Variants in CSMD1 observed in about 807,000 individuals in gnomAD.
CSMD1 encodes CUB and sushi domain-containing protein 1.
A neutral mutation model predicts 417.5 loss-of-function variants in CSMD1; 213 were observed. That is an observed-to-expected ratio of 0.51 (90% CI 0.46 to 0.57). The LOEUF is 0.57. CSMD1 is among the 20% of genes least tolerant of loss of function. The pLI is 0.00. For synonymous variants in CSMD1, 2,862 were observed against 1,736.8 expected (o/e 1.65, Z -16.11); for missense variants, 6,923 against 4,529.7 (o/e 1.53, Z -15.17).
At chr8:3,196,737 T>G (rs959051685) in intron 33 of CSMD1, among the ~76,000 whole-genome samples, 1 of 152,172 alleles carries the variant, frequency 6.6e-6, no homozygotes, top group African/African-American at 2.4e-5. Context: ...CTGAAACTTG[T>G]TGGTAATGCA....
At chr8:3,733,331 T>C (rs1001469146) in intron 6 of CSMD1, among the ~76,000 whole-genome samples, 1 of 148,018 alleles carries the variant, frequency 6.8e-6, no homozygotes, top group African/African-American at 2.5e-5. Context: ...TACAAATATA[T>C]ATACACAGAC....
chr8:4,336,108 G>C lies in CSMD1; in HGVS notation c.415+83845C>G, dbSNP rs141827705. Among the ~76,000 whole-genome samples, 283 of 152,206 alleles carry C rather than the reference G, an allele frequency of 1.9e-3. 5 individuals carry two copies. The East Asian group carries it at 0.042, about 23-fold the overall frequency. On this transcript the variant is annotated intron_variant, in intron 3 of 69. Coordinates refer to ENST00000635120, the MANE Select transcript of CSMD1 (RefSeq NM_033225.6). ...CACTAATTGATGAGAAATAGTGTAA[G>C]TATTTTTCCTGTTCTGTATAAACTT...
intron 3 of CSMD1, among the ~76,000 whole-genome samples, chr8:4,036,952 G>A (rs1304441246): frequency 8.0e-6 from 1 of 125,068 alleles, no homozygotes; most frequent in African/African-American, 3.3e-5. Flanking sequence ...ATGGGTGAGT[G>A]TGGGGTGTGT....
chr8:4,627,341 T>C (rs1034397031), intron 2 of CSMD1, among the ~76,000 whole-genome samples: 2 of 152,144 alleles, frequency 1.3e-5, no homozygotes, highest in African/African-American at 4.8e-5. Flanking sequence ...TTTAAAATCC[T>C]GAAAAATCTG....
At chr8:3,971,932 G>A (rs888435931) in intron 5 of CSMD1, among the ~76,000 whole-genome samples, 5 of 152,022 alleles carry the variant, frequency 3.3e-5, no homozygotes, top group African/African-American at 1.2e-4. Flanking sequence ...TTTTGAGACA[G>A]GGTGTCATTC....
rs575037256 is a variant in CSMD1, at chr8:4,822,279, G to A, written c.85+172053C>T. Among the ~76,000 whole-genome samples the A allele has an allele frequency of 6.6e-5, 10 of 152,260 alleles. No individual in the cohort carries two copies. In the East Asian group the frequency reaches 1.7e-3, roughly 26 times the overall value. On this transcript the variant is annotated intron_variant, in intron 1 of 69. Coordinates refer to ENST00000635120, the MANE Select transcript of CSMD1 (RefSeq NM_033225.6). Reference sequence around the variant, plus strand: ...AGAGGATCCGATTATGGGTCTTGCTGTCTTAGGACACCAGATACCACTGAA... The same window carrying A: ...AGAGGATCCGATTATGGGTCTTGCTATCTTAGGACACCAGATACCACTGAA...
intron 2 of CSMD1, among the ~76,000 whole-genome samples, chr8:4,427,326 G>C (rs1173987915): frequency 6.6e-6 from 1 of 152,138 alleles, no homozygotes; most frequent in Non-Finnish European, 1.5e-5. Context: ...TGGATGCAGT[G>C]AGTTACATGT....
At chr8:4,041,573 T>C (rs1042064637) in intron 3 of CSMD1, among the ~76,000 whole-genome samples, 2 of 152,116 alleles carry the variant, frequency 1.3e-5, no homozygotes, top group East Asian at 1.9e-4. Context: ...CAAAGTGAGA[T>C]TCACAGTCTC....
At chr8:3,799,290 A>G (rs551027120) in intron 5 of CSMD1, among the ~76,000 whole-genome samples, 2 of 151,818 alleles carry the variant, frequency 1.3e-5, no homozygotes, top group South Asian at 4.2e-4. Flanking sequence ...GTACATGTGC[A>G]CAATGTGCAG....
intron 17 of CSMD1, among the ~76,000 whole-genome samples, chr8:3,394,691 C>T (rs1329468495): frequency 6.6e-6 from 1 of 152,020 alleles, no homozygotes; most frequent in Admixed American, 6.6e-5. Context: ...CTTACAAATT[C>T]AGATCACTGC....
chr8:4,951,617 T>C (rs967326554), intron 1 of CSMD1, among the ~76,000 whole-genome samples: 7 of 151,682 alleles, frequency 4.6e-5, no homozygotes, highest in Non-Finnish European at 8.8e-5. Context: ...GTTTTTTTAA[T>C]GCCTGTGAAT....
Position 3,710,348 on chromosome 8 carries a change from T to C in CSMD1, c.932-1857A>G, listed in dbSNP as rs144108918. Among the ~76,000 whole-genome samples the C allele has an allele frequency of 3.9e-3, 587 of 152,236 alleles. 7 individuals are homozygous for C. The highest frequency in any genetic ancestry group is 0.013 in the African/African-American group (551 of 41,554). ...CATACCCACGACCAACTGGCTTTGT[T>C]TCTCTGGAGAACTCTGACGAAATAC... On this transcript the variant is annotated intron_variant, in intron 6 of 69. Coordinates refer to ENST00000635120, the MANE Select transcript of CSMD1 (RefSeq NM_033225.6).
intron 3 of CSMD1, among the ~76,000 whole-genome samples, chr8:4,157,813 C>A (rs116990444): frequency 4.2e-4 from 64 of 152,296 alleles, no homozygotes; most frequent in Non-Finnish European, 8.1e-4. Context: ...CTTGGTCCAG[C>A]TTTAGTCAGT....
chr8:3,888,888 T>C (rs138431195), intron 5 of CSMD1, among the ~76,000 whole-genome samples: 76 of 152,304 alleles, frequency 5.0e-4, no homozygotes, highest in East Asian at 3.7e-3. Flanking sequence ...ATATCAATGA[T>C]GATTTTCGTC....
intron 10 of CSMD1, among the ~76,000 whole-genome samples, chr8:3,518,707 G>T (rs755449783): frequency 2.0e-5 from 3 of 152,180 alleles, no homozygotes; most frequent in Non-Finnish European, 4.4e-5. Context: ...TAAGTAAGTA[G>T]TTGGTGTGGT....
At position 4,161,402 on chromosome 8, in the gene CSMD1, A is replaced by C. The variant is rs995030728; in HGVS notation, c.416-129303T>G. Among the ~76,000 whole-genome samples the C allele has an allele frequency of 2.6e-5, 4 of 152,352 alleles. No homozygotes were observed. In the East Asian group the frequency reaches 7.7e-4, roughly 29 times the overall value. On this transcript the variant is annotated intron_variant, in intron 3 of 69. Transcript: ENST00000635120. Reference sequence around the variant, plus strand: ...CAGAATTAAAGGAATCTTAGAGGTAAACTTGTCATTCCTCCTTAATTTTTT... The same window carrying C: ...CAGAATTAAAGGAATCTTAGAGGTACACTTGTCATTCCTCCTTAATTTTTT...
At chr8:3,690,754 T>C (rs559523889) in intron 7 of CSMD1, among the ~76,000 whole-genome samples, 16 of 152,356 alleles carry the variant, frequency 1.1e-4, no homozygotes, top group African/African-American at 3.8e-4. Context: ...CTTAAATGTT[T>C]TCTTACTTTT....
At chr8:3,736,851 A>G (rs1796548379) in intron 6 of CSMD1, among the ~76,000 whole-genome samples, 1 of 152,206 alleles carries the variant, frequency 6.6e-6, no homozygotes, top group Non-Finnish European at 1.5e-5. Context: ...GTATGTCTAC[A>G]TATGAATGGG....
At chr8:3,088,448 C>G (rs1026352442) in intron 48 of CSMD1, among the ~76,000 whole-genome samples, 3 of 152,178 alleles carry the variant, frequency 2.0e-5, no homozygotes, top group Non-Finnish European at 4.4e-5. Flanking sequence ...ACACGCAGGT[C>G]TGAATGCTTA....
Sources: gnomAD v4.1 joint callset for allele counts (sites outside exome capture counted in the v4.1 genomes callset) on GRCh38, gnomAD v4.1.1 for gene constraint, MANE v1.5 for transcripts, NCBI Gene and HGNC (gene_info 2026-07-23, HGNC 2026-07-21) for gene names.